The following SYCP1 variants were observed in gnomAD, a reference collection of about 807,000 sequenced individuals.
SYCP1 encodes synaptonemal complex protein 1.
In SYCP1, 64 loss-of-function variants were observed where a neutral mutation model predicts 153.1. The observed-to-expected ratio is 0.42, with a 90% CI of 0.34 to 0.51. The LOEUF (loss-of-function observed/expected upper bound fraction) is 0.51. Ranked by LOEUF, SYCP1 falls within the 20% of genes least tolerant of loss-of-function variation. The probability of loss-of-function intolerance (pLI) is 0.06; values close to 1 mark genes in which losing one functional copy is unlikely to be tolerated. For synonymous variants in SYCP1, 384 were observed against 341.8 expected (o/e 1.12, Z -1.36); for missense variants, 997 against 1,049.0 (o/e 0.95, Z 0.68).
intron 8 of SYCP1, among the ~76,000 whole-genome samples, chr1:114,864,560 C>G (rs1664603407): frequency 1.3e-5 from 2 of 152,046 alleles, no homozygotes; most frequent in Non-Finnish European, 2.9e-5. Context: ...TCCATCTTGG[C>G]TCACCATAAC....
At chr1:114,930,087 T>C (rs1669526144) in intron 23 of SYCP1, among the ~76,000 whole-genome samples, 1 of 151,972 alleles carries the variant, frequency 6.6e-6, no homozygotes, top group Non-Finnish European at 1.5e-5. Context: ...GACTAATAAA[T>C]AATTCATGGG....
intron 30 of SYCP1, among the ~76,000 whole-genome samples, chr1:114,985,221 T>G (rs911413930): frequency 6.6e-6 from 1 of 152,000 alleles, no homozygotes; most frequent in African/African-American, 2.4e-5. Flanking sequence ...CTGTGCCAAA[T>G]CTGTTATTTA....
chr1:114,986,372 A>G (rs1382935949), intron 30 of SYCP1, among the ~76,000 whole-genome samples: 2 of 152,036 alleles, frequency 1.3e-5, no homozygotes, highest in Non-Finnish European at 2.9e-5. Context: ...GAGCTTTAGA[A>G]TTAAACATTC....
intron 30 of SYCP1, among the ~76,000 whole-genome samples, chr1:114,989,186 C>A (rs531082128): frequency 6.6e-6 from 1 of 151,432 alleles, no homozygotes; most frequent in South Asian, 2.1e-4. Flanking sequence ...AAACAAAAAA[C>A]CAAAAAAAAC....
At chr1:114,957,452 T>C (rs1671512527) in intron 27 of SYCP1, among the ~76,000 whole-genome samples, 1 of 152,048 alleles carries the variant, frequency 6.6e-6, no homozygotes, top group Non-Finnish European at 1.5e-5. Context: ...CAGGATTATA[T>C]CAAGCTACAA....
Position 114,946,396 on chromosome 1 carries a change from A to G in SYCP1, c.2247+15A>G. On this transcript the variant is annotated intron_variant, in intron 26 of 31. Coordinates refer to ENST00000369522, the MANE Select transcript of SYCP1 (RefSeq NM_003176.4). The stretch of plus-strand genomic sequence containing the variant: ...GAGCATCTTTGGTGAGATACAGAAA[A>G]AATTGCAGTAACGGCCAGTTTTCAT... The G allele has an allele frequency of 6.5e-7, 1 of 1,528,824 alleles. No homozygotes were observed. The highest frequency in any genetic ancestry group is 8.9e-7 in the Non-Finnish European group (1 of 1,126,764). The allele number at this position is 1,528,824 out of a possible 1,614,324, so 94.7% of individuals were successfully genotyped here. A position where few individuals can be genotyped will look rare whatever the true frequency, so the allele number is the denominator to read the frequency against.
intron 21 of SYCP1, among the ~76,000 whole-genome samples, chr1:114,923,902 T>G (rs1669078913): frequency 6.6e-6 from 1 of 152,142 alleles, no homozygotes; most frequent in Admixed American, 6.6e-5. Flanking sequence ...AATAAGGTGT[T>G]TAGGGAAGAG....
intron 12 of SYCP1, among the ~76,000 whole-genome samples, chr1:114,881,461 C>T (rs1665920548): frequency 6.6e-6 from 1 of 151,182 alleles, no homozygotes; most frequent in Non-Finnish European, 1.5e-5. Flanking sequence ...GCACACTGTA[C>T]ATTATTTCTA....
At chr1:114,860,640 T>G (rs1461930872) in intron 7 of SYCP1, 96 bp from the exon 8 acceptor site, 2 of 768,716 alleles carry the variant, frequency 2.6e-6, no homozygotes, top group East Asian at 3.0e-5. Context: ...TTTTAAAAAT[T>G]TCTTAAAAAT....
chr1:114,913,035 T>C lies in SYCP1; in HGVS notation c.1532T>C (p.Leu511Pro). 1 of 1,599,984 alleles carries C rather than the reference T, an allele frequency of 6.3e-7. No individual in the cohort carries two copies. The highest frequency in any genetic ancestry group is 8.5e-7 in the Non-Finnish European group (1 of 1,174,560). Residue 511 changes from leucine (L) to proline (P), a missense_variant and splice_region_variant, in exon 19 of 32, where the codon CTT becomes CCT. By Grantham distance (98) the Leu-to-Pro change is moderately conservative (BLOSUM62 -3). Around this residue, in one of 2 missense-constraint regions of SYCP1, gnomAD observed 712 missense variants for 682.9 expected, o/e 1.04. Coordinates refer to ENST00000369522, the MANE Select transcript of SYCP1 (RefSeq NM_003176.4). ...TGACTTTTTTTTTTAAAAAATAGGC[T>C]TAAGAATACTGAATTAACTTCACAC... ...DLKTELENEK[L>P]KNTELTSHCN...
intron 26 of SYCP1, 72 bp downstream of exon 26, chr1:114,946,453 T>C (rs1670715020): frequency 4.3e-6 from 4 of 924,812 alleles, no homozygotes; most frequent in Non-Finnish European, 6.5e-6. Flanking sequence ...TAAAGAATAA[T>C]ATTAAGTAAA....
At chr1:114,878,804 A>G (rs1186167586) in intron 12 of SYCP1, among the ~76,000 whole-genome samples, 2 of 152,254 alleles carry the variant, frequency 1.3e-5, no homozygotes, top group Non-Finnish European at 2.9e-5. Context: ...CAGCCTCCCA[A>G]AGTTCTGGGA....
chr1:114,881,060 C>CAT (rs1665890653), intron 12 of SYCP1, among the ~76,000 whole-genome samples: 1 of 49,016 alleles, frequency 2.0e-5, no homozygotes, highest in Admixed American at 1.9e-4. Flanking sequence ...TGTATATACA[C>CAT]ACACACACAC....
chr1:114,912,928 C>G lies in SYCP1; in HGVS notation c.1530-105C>G, dbSNP rs552055347. 6.9e-6 allele frequency: 5 copies of G among 726,258 alleles called. No individual in the cohort carries two copies. In the Admixed American group the frequency reaches 1.5e-4, roughly 21 times the overall value. The allele number at this position is 726,258 out of a possible 1,614,324, so 45.0% of individuals were successfully genotyped here. A position where few individuals can be genotyped will look rare whatever the true frequency, so the allele number is the denominator to read the frequency against. On this transcript the variant is annotated intron_variant, in intron 18 of 31. Transcript: ENST00000369522. The stretch of plus-strand genomic sequence containing the variant: ...TAGTCAATTTTGTTTCATGTTTTTC[C>G]CCCAGCCCTTCATCCCTTTCCCCTA...
Position 114,922,675 on chromosome 1 carries a change from CA to C in SYCP1, c.1719-771del, listed in dbSNP as rs1190697385. Reference sequence around the variant, plus strand: ...TTTCAATATGAAATTTGGGTGAGAGCAAATATCCAAACTGTATCATTGCACT... The same window carrying C: ...TTTCAATATGAAATTTGGGTGAGAGCAATATCCAAACTGTATCATTGCACT... On this transcript the variant is annotated intron_variant, in intron 20 of 31. Transcript: ENST00000369522. Among the ~76,000 whole-genome samples the C allele has an allele frequency of 3.3e-5, 5 of 152,184 alleles. No individual in the cohort carries two copies. In the East Asian group the frequency reaches 9.7e-4, roughly 29 times the overall value.
intron 23 of SYCP1, among the ~76,000 whole-genome samples, chr1:114,942,266 T>C (rs973688270): frequency 1.1e-4 from 17 of 152,148 alleles, no homozygotes; most frequent in African/African-American, 3.8e-4. Flanking sequence ...AGAAGATTAC[T>C]GTCAACATTA....
chr1:114,987,912 A>G (rs1166152316), intron 30 of SYCP1, among the ~76,000 whole-genome samples: 3 of 151,724 alleles, frequency 2.0e-5, no homozygotes, highest in Non-Finnish European at 2.9e-5. Context: ...GAATATTGAT[A>G]GAGAGTTAGA....
At chr1:114,950,222 C>G (rs1204519988) in intron 27 of SYCP1, among the ~76,000 whole-genome samples, 1 of 152,162 alleles carries the variant, frequency 6.6e-6, no homozygotes, top group Non-Finnish European at 1.5e-5. Flanking sequence ...GGCCTTGAGA[C>G]TGACGTAGAA....
At chr1:114,885,446 G>C in intron 12 of SYCP1, 89 bp from the exon 13 acceptor site, 1 of 729,462 alleles carries the variant, frequency 1.4e-6, no homozygotes, top group Non-Finnish European at 2.2e-6. Context: ...ATCTAACGGA[G>C]GAAAAAGACT....
Sources: gnomAD v4.1 joint callset for allele counts (sites outside exome capture counted in the v4.1 genomes callset) on GRCh38, gnomAD v4.1.1 for gene constraint, gnomAD v4.1.1 regional missense constraint, MANE v1.5 for transcripts, NCBI Gene and HGNC (gene_info 2026-07-23, HGNC 2026-07-21) for gene names.